The following IL1R2 variants were observed in gnomAD, a reference collection of about 807,000 sequenced individuals.
The protein encoded by IL1R2 is interleukin 1 receptor type 2.
A neutral mutation model predicts 39.5 loss-of-function variants in IL1R2; 46 were observed. The ratio of observed to expected loss-of-function variants is 1.16; its 90% confidence interval spans 0.92 to 1.49. The LOEUF (loss-of-function observed/expected upper bound fraction) is 1.49. Among genes scored for constraint, IL1R2 ranks in the 40% most tolerant of loss-of-function variants. The probability of loss-of-function intolerance (pLI) is 0.00; values close to 1 mark genes in which losing one functional copy is unlikely to be tolerated. For synonymous variants in IL1R2, 207 were observed against 189.6 expected (o/e 1.09, Z -0.75); for missense variants, 537 against 502.0 (o/e 1.07, Z -0.67).
Position 102,019,812 on chromosome 2 carries a change from A to C in IL1R2, c.688A>C (p.Lys230Gln). ...ITRSIELRIKKKKEETIPVII... is the reference protein window; with the variant it reads ...ITRSIELRIKQKKEETIPVII... ...TAGGAGTATTGAGCTACGCATCAAG[A>C]GTAAGTACTTGCCATTGAGGCACCT... is the stretch of plus-strand genomic sequence containing the variant. The change falls in exon 5 of 9, where the codon AAA (lysine) becomes CAA (glutamine). Residue 230 changes from lysine (K) to glutamine (Q), a missense_variant and splice_region_variant. By Grantham distance (53) the Lys-to-Gln change is moderately conservative. Transcript: ENST00000332549. 6.2e-7 allele frequency: 1 copy of C among 1,612,536 alleles called. No homozygotes were observed. The highest frequency in any genetic ancestry group is 1.1e-5 in the South Asian group (1 of 90,778).
Position 102,019,816 on chromosome 2 carries a change from A to G in IL1R2, c.688+4A>G. ...AGTATTGAGCTACGCATCAAGAGTA[A>G]GTACTTGCCATTGAGGCACCTATCT... On this transcript the variant is annotated splice_donor_region_variant and intron_variant, in intron 5 of 8. Coordinates refer to ENST00000332549, the MANE Select transcript of IL1R2 (RefSeq NM_004633.4). The G allele has an allele frequency of 6.2e-7, 1 of 1,611,372 alleles. No individual in the cohort carries two copies. The highest frequency in any genetic ancestry group is 8.5e-7 in the Non-Finnish European group (1 of 1,178,564).
intron 3 of IL1R2, among the ~76,000 whole-genome samples, chr2:102,012,379 T>C (rs1389370442): frequency 2.0e-5 from 3 of 152,174 alleles, no homozygotes; most frequent in Non-Finnish European, 4.4e-5. Context: ...CAGGAATATG[T>C]ACATTTAGAA....
intron 3 of IL1R2, among the ~76,000 whole-genome samples, chr2:102,015,211 C>T (rs2073492): frequency 0.16 from 24,454 of 152,064 alleles, 2,307 homozygotes; most frequent in East Asian, 0.29. Context: ...TATGCGGGGG[C>T]TGGGCTCAAG....
At chr2:102,019,569 T>A in intron 4 of IL1R2, 69 bp from the exon 5 acceptor site, 1 of 1,075,576 alleles carries the variant, frequency 9.3e-7, no homozygotes, top group Non-Finnish European at 1.3e-6. Flanking sequence ...TTGATAATGA[T>A]GATGTAATTC....
At chr2:102,011,216 G>T (rs1169904954) in intron 3 of IL1R2, among the ~76,000 whole-genome samples, 2 of 152,172 alleles carry the variant, frequency 1.3e-5, no homozygotes, top group Non-Finnish European at 2.9e-5. Context: ...GAAGATATCT[G>T]TTCAAATCTC....
chr2:102,021,585 A>G (rs1227688582), intron 5 of IL1R2, among the ~76,000 whole-genome samples: 4 of 152,154 alleles, frequency 2.6e-5, no homozygotes, highest in Admixed American at 2.6e-4. Context: ...AAGTGCCGGG[A>G]TTACAGGCGT....
At position 102,016,012 on chromosome 2, in the gene IL1R2, C is replaced by T. The variant is rs1401504669; in HGVS notation, c.474C>T (p.Phe158=). The change falls in exon 4 of 9, where the codon TTC becomes TTT. Residue 158 remains phenylalanine (F), a synonymous_variant. Transcript: ENST00000332549. ...TAGTATGCCCTGACCTGAGTGAATT[C>T]ACCCGTGACAAAACTGACGTGAAGA... is the stretch of plus-strand genomic sequence containing the variant. The part of the protein sequence containing the change: ...GVLVCPDLSE[F]TRDKTDVKIQ... 6.2e-7 allele frequency: 1 copy of T among 1,613,954 alleles called. No individual in the cohort carries two copies. Among genetic ancestry groups the T allele is most frequent in the East Asian group, 2.2e-5 (1 of 44,868 alleles).
In IL1R2 at chr2:102,009,646, C is replaced by A. The variant is rs1358309794; in HGVS notation, c.152C>A (p.Pro51His). Residue 51 changes from proline (P) to histidine (H), a missense_variant, in exon 3 of 9, where the codon CCC becomes CAC. Pro to His is a moderately conservative substitution (Grantham distance 77). Coordinates refer to ENST00000332549, the MANE Select transcript of IL1R2 (RefSeq NM_004633.4). ...GGGGAGCCTGTAGCCCTGAGGTGCC[C>A]CCAGGTGCCCTACTGGTTGTGGGCC... ...LEGEPVALRC[P>H]QVPYWLWASV... 8.7e-6 allele frequency: 14 copies of A among 1,614,184 alleles called. No homozygotes were observed. The highest frequency in any genetic ancestry group is 1.1e-5 in the Non-Finnish European group (13 of 1,180,032).
chr2:102,027,421 C>T (rs1291722091), intron 8 of IL1R2, among the ~76,000 whole-genome samples: 3 of 152,168 alleles, frequency 2.0e-5, no homozygotes, highest in Non-Finnish European at 2.9e-5. Flanking sequence ...AGCCTTGTCC[C>T]TGCATGTGGC....
rs1421105217 is a variant in IL1R2, at chr2:102,026,166, GT to G, written c.944del (p.Val315AlafsTer18). ...YIEVPLIFDP[V>X]TREDLHMDFK... is the part of the protein sequence containing the mutation. The stretch of plus-strand genomic sequence containing the variant: ...TGAAGTGCCATTGATTTTTGATCCT[GT>G]CACAAGAGAGGATTTGCACATGGAT... On this transcript the variant is annotated frameshift_variant, in exon 8 of 9. Transcript: ENST00000332549. LOFTEE classifies it high-confidence loss of function. The G allele has an allele frequency of 6.2e-7, 1 of 1,610,602 alleles. No individual in the cohort carries two copies. The highest frequency in any genetic ancestry group is 2.2e-5 in the East Asian group (1 of 44,854).
At chr2:102,021,316 T>G (rs1312744813) in intron 5 of IL1R2, among the ~76,000 whole-genome samples, 1 of 149,966 alleles carries the variant, frequency 6.7e-6, no homozygotes, top group East Asian at 1.9e-4. Context: ...TTTTTTTTTT[T>G]TTTTTTGGTT....
intron 1 of IL1R2, among the ~76,000 whole-genome samples, chr2:101,999,562 C>T (rs2150419724): frequency 6.6e-6 from 1 of 152,324 alleles, no homozygotes; most frequent in East Asian, 1.9e-4. Context: ...GAGGCCTAAG[C>T]TCAAATCCAG....
At chr2:102,002,812 G>A (rs62640426) in intron 1 of IL1R2, among the ~76,000 whole-genome samples, 6 of 10,232 alleles carry the variant, frequency 5.9e-4, no homozygotes, top group Non-Finnish European at 8.2e-4. Flanking sequence ...CTATGTCTAT[G>A]TCTGTGTCTT....
chr2:102,006,991 C>G (rs1577696055), intron 1 of IL1R2, among the ~76,000 whole-genome samples: 1 of 152,222 alleles, frequency 6.6e-6, no homozygotes, highest in Admixed American at 6.5e-5. Context: ...ATGGAGCAGA[C>G]TTGGACCCCA....
rs185883772 is a variant in IL1R2, at chr2:102,012,063, C to G, written c.332+2237C>G. Among the ~76,000 whole-genome samples the G allele has an allele frequency of 5.3e-5, 8 of 152,292 alleles. No individual in the cohort carries two copies. In the East Asian group the frequency reaches 1.5e-3, roughly 29 times the overall value. On this transcript the variant is annotated intron_variant, in intron 3 of 8. Coordinates refer to ENST00000332549, the MANE Select transcript of IL1R2 (RefSeq NM_004633.4). Reference sequence around the variant, plus strand: ...CCTTCTTGATGGATGAAGTTTTAGGCCTAGTGTTGGTGATCTTAAAAAGTT... The same window carrying G: ...CCTTCTTGATGGATGAAGTTTTAGGGCTAGTGTTGGTGATCTTAAAAAGTT...
At chr2:101,996,486 T>TG (rs1491134730) in intron 1 of IL1R2, among the ~76,000 whole-genome samples, 3 of 1,702 alleles carry the variant, frequency 1.8e-3, no homozygotes, top group Admixed American at 9.8e-3. Context: ...GTTTTCAGTG[T>TG]TTTTTTTTTT....
intron 6 of IL1R2, among the ~76,000 whole-genome samples, chr2:102,024,011 C>T (rs1015564065): frequency 2.7e-5 from 4 of 150,822 alleles, no homozygotes; most frequent in Admixed American, 1.3e-4. Context: ...ATCGCCCCAC[C>T]GCACTCCAGC....
rs946299576 is a variant in IL1R2 at position 102,008,463 on chromosome 2, T to G, written c.-61-52T>G. On this transcript the variant is annotated intron_variant, in intron 1 of 8. Coordinates refer to ENST00000332549, the MANE Select transcript of IL1R2 (RefSeq NM_004633.4). ...CTGCCCCTACCCCGTCTTCAAGGGA[T>G]TCTCTCTGCAGGGTTCTTGGTTCCT... 3 of 810,510 alleles carry G rather than the reference T, an allele frequency of 3.7e-6. No homozygotes were observed. The African/African-American group carries it at 5.1e-5, about 14-fold the overall frequency. The allele number at this position is 810,510 out of a possible 1,614,324, so 50.2% of individuals were successfully genotyped here.
chr2:102,005,866 CA>C (rs1676229217), intron 1 of IL1R2, among the ~76,000 whole-genome samples: 1 of 152,190 alleles, frequency 6.6e-6, no homozygotes, highest in South Asian at 2.1e-4. Flanking sequence ...GGTGTATTTT[CA>C]AAGAGCAAGG....
Sources: gnomAD v4.1 joint callset for allele counts (sites outside exome capture counted in the v4.1 genomes callset) on GRCh38, gnomAD v4.1.1 for gene constraint, MANE v1.5 for transcripts, NCBI Gene and HGNC (gene_info 2026-07-23, HGNC 2026-07-21) for gene names.